Variants in JAK1 observed in about 807,000 individuals in gnomAD.
The protein encoded by JAK1 is Janus kinase 1, also known as tyrosine-protein kinase JAK1.
A neutral mutation model predicts 136.6 loss-of-function variants in JAK1; 16 were observed. The observed-to-expected ratio is 0.12, with a 90% confidence interval of 0.08 to 0.18. JAK1 has a LOEUF of 0.18. JAK1 is among the 10% of genes least tolerant of loss of function. The pLI, the probability that JAK1 is intolerant of heterozygous loss-of-function variation, is 1.00. For synonymous variants in JAK1, 492 were observed against 519.5 expected (o/e 0.95, Z 0.72); for missense variants, 859 against 1,450.1 (o/e 0.59, Z 6.62).
At chr1:64,913,855 T>C (rs972719442) in intron 1 of JAK1, among the ~76,000 whole-genome samples, 4 of 152,114 alleles carry the variant, frequency 2.6e-5, no homozygotes, top group Admixed American at 2.0e-4. Flanking sequence ...AGATATTAAA[T>C]AACAGAAATA....
intron 1 of JAK1, among the ~76,000 whole-genome samples, chr1:64,935,895 G>A (rs547016175): frequency 2.6e-5 from 4 of 152,258 alleles, no homozygotes; most frequent in African/African-American, 7.2e-5. Flanking sequence ...GCTGGAGGGC[G>A]AACTGACAGG....
chr1:65,046,870 CTCTTTTTT>C (rs1190995575), intron 1 of JAK1, among the ~76,000 whole-genome samples: 3 of 142,618 alleles, frequency 2.1e-5, no homozygotes, highest in African/African-American at 8.0e-5. Flanking sequence ...CAGCCCCAAC[CTCTTTTTT>C]TTTTTTTTTT....
chr1:64,931,004 G>A (rs1645681331), intron 1 of JAK1, among the ~76,000 whole-genome samples: 1 of 152,042 alleles, frequency 6.6e-6, no homozygotes, highest in Non-Finnish European at 1.5e-5. Context: ...GTCAGGGGGT[G>A]GGGGACTAGG....
intron 20 of JAK1, among the ~76,000 whole-genome samples, chr1:64,839,150 A>AC (rs1654720919): frequency 6.6e-6 from 1 of 150,982 alleles, no homozygotes; most frequent in South Asian, 2.1e-4. Context: ...CGTCTCAAAA[A>AC]AAAAAAAAAA....
intron 21 of JAK1, 121 bp from the exon 22 acceptor site, chr1:64,838,225 G>T (rs1178447728): frequency 9.0e-7 from 1 of 1,111,698 alleles, no homozygotes; most frequent in Non-Finnish European, 1.3e-6. Context: ...AATTTTTTTG[G>T]TTCTGACTTT....
intron 12 of JAK1, among the ~76,000 whole-genome samples, chr1:64,850,280 G>A (rs867267832): frequency 3.9e-5 from 6 of 152,208 alleles, no homozygotes; most frequent in Non-Finnish European, 5.9e-5. Context: ...CGCTCAGCCT[G>A]TAGATTCTGG....
At chr1:64,858,867 T>C (rs1656114514) in intron 9 of JAK1, among the ~76,000 whole-genome samples, 1 of 152,116 alleles carries the variant, frequency 6.6e-6, no homozygotes, top group South Asian at 2.1e-4. Flanking sequence ...GTATATAAGG[T>C]GGTCAAGGAA....
At chr1:64,958,730 G>C (rs1404477553) in intron 1 of JAK1, among the ~76,000 whole-genome samples, 1 of 151,934 alleles carries the variant, frequency 6.6e-6, no homozygotes. Flanking sequence ...AATCATAATT[G>C]AAAAAAACTG....
chr1:64,962,329 C>A (rs1646296375), intron 1 of JAK1, among the ~76,000 whole-genome samples: 1 of 152,222 alleles, frequency 6.6e-6, no homozygotes. Flanking sequence ...CCAACAAACG[C>A]CAGCTCTATC....
At chr1:64,929,137 C>G (rs1357414224) in intron 1 of JAK1, among the ~76,000 whole-genome samples, 2 of 152,162 alleles carry the variant, frequency 1.3e-5, no homozygotes, top group South Asian at 2.1e-4. Context: ...CAGTTAAATG[C>G]CAGGTAAATC....
Position 64,866,973 on chromosome 1 carries a change from A to T in JAK1, c.883T>A (p.Ser295Thr). ...TGAAACCAATTCATCTCATTTTCTG[A>T]TGAAATCAGTAACATGGAAGTCTCA... Reference protein sequence around the residue: ...IFETSMLLISSENEMNWFHSN... With the variant: ...IFETSMLLISTENEMNWFHSN... Residue 295 changes from serine (S) to threonine (T), a missense_variant, in exon 7 of 25, where the codon TCA becomes ACA. Physicochemically the swap from Ser to Thr is moderately conservative, Grantham distance 58. Around this residue, in one of 4 missense-constraint regions of JAK1, gnomAD observed 353 missense variants for 494.0 expected, o/e 0.71. Transcript: ENST00000342505. 1 of 1,614,190 alleles carries T rather than the reference A, an allele frequency of 6.2e-7. No individual in the cohort carries two copies. Among genetic ancestry groups the T allele is most frequent in the Middle Eastern group, 1.6e-4 (1 of 6,062 alleles).
chr1:64,873,475 C>T lies in JAK1; in HGVS notation c.378G>A (p.Val126=). 3 of 1,614,218 alleles carry T rather than the reference C, an allele frequency of 1.9e-6. No individual in the cohort carries two copies. The highest frequency in any genetic ancestry group is 2.5e-6 in the Non-Finnish European group (3 of 1,180,038). ...WHGTNDNEQS[V]WRHSPKKQKN... ...TCTGCTTCTTTGGAGAATGACGCCA[C>T]ACTGACTGCTCATTGTCGTTGGTTC... Residue 126 remains valine, a synonymous_variant, in exon 5 of 25, where the codon GTG becomes GTA. Transcript: ENST00000342505.
At chr1:64,898,187 C>T (rs1179164636) in intron 1 of JAK1, among the ~76,000 whole-genome samples, 3 of 152,192 alleles carry the variant, frequency 2.0e-5, no homozygotes, top group African/African-American at 4.8e-5. Flanking sequence ...TCCTGGTTGT[C>T]GCGTCTGGCT....
chr1:64,996,976 A>C (rs996488791), intron 2 of JAK1, among the ~76,000 whole-genome samples: 2 of 152,240 alleles, frequency 1.3e-5, no homozygotes, highest in African/African-American at 4.8e-5. Context: ...TTCCTCTTTC[A>C]ATAATTTATA....
chr1:64,893,832 CTGA>C (rs1644974842), intron 1 of JAK1, among the ~76,000 whole-genome samples: 1 of 152,156 alleles, frequency 6.6e-6, no homozygotes, highest in Admixed American at 6.5e-5. Flanking sequence ...GAATCTCCTG[CTGA>C]TAAGTCATCT....
intron 1 of JAK1, among the ~76,000 whole-genome samples, chr1:64,894,138 G>A (rs76627269): frequency 0.055 from 8,423 of 152,206 alleles, 303 homozygotes; most frequent in Non-Finnish European, 0.084. Context: ...ACCACTGCTC[G>A]CACAGCCTCC....
At chr1:64,928,773 C>A (rs568509611) in intron 1 of JAK1, among the ~76,000 whole-genome samples, 1 of 1,290 alleles carries the variant, frequency 7.8e-4, no homozygotes, top group Non-Finnish European at 0.011. Flanking sequence ...TGCTATAAAA[C>A]TCTGCAAAAA....
chr1:64,852,350 C>A (rs1655656548), intron 11 of JAK1, among the ~76,000 whole-genome samples: 1 of 152,198 alleles, frequency 6.6e-6, no homozygotes, highest in Non-Finnish European at 1.5e-5. Flanking sequence ...CCACAACATA[C>A]CTGGCCCTAA....
chr1:64,837,759 T>C (rs541748717), intron 22 of JAK1, among the ~76,000 whole-genome samples, 173 bp downstream of exon 22: 1 of 152,354 alleles, frequency 6.6e-6, no homozygotes, highest in East Asian at 1.9e-4. Context: ...TGAAACAGGC[T>C]GAAAGGTGTG....
Sources: gnomAD v4.1 joint callset for allele counts (sites outside exome capture counted in the v4.1 genomes callset) on GRCh38, gnomAD v4.1.1 for gene constraint, gnomAD v4.1.1 regional missense constraint, MANE v1.5 for transcripts, NCBI Gene and HGNC (gene_info 2026-07-23, HGNC 2026-07-21) for gene names.